Variants in TTC27 observed in about 807,000 individuals in gnomAD.
The protein encoded by TTC27 is tetratricopeptide repeat domain 27.
In TTC27, 79 loss-of-function variants were observed where a neutral mutation model predicts 115.9. The observed-to-expected ratio is 0.68, with a 90% CI of 0.57 to 0.82. TTC27 has a LOEUF of 0.82. TTC27 is among the 40% of genes least tolerant of loss of function. The pLI, the probability that TTC27 is intolerant of heterozygous loss-of-function variation, is 0.00. For synonymous variants in TTC27, 401 were observed against 356.0 expected, an observed-to-expected ratio of 1.13 and a Z score of -1.42; for missense variants, 1,054 against 993.1, an observed-to-expected ratio of 1.06 and a Z score of -0.82.
Position 32,666,169 on chromosome 2 carries a change from C to T in TTC27, c.806-466C>T, listed in dbSNP as rs115572135. Among the ~76,000 whole-genome samples, 466 of 152,222 alleles carry T rather than the reference C, an allele frequency of 3.1e-3. 2 individuals are homozygous for T. The highest frequency in any genetic ancestry group is 0.01 in the African/African-American group (436 of 41,550). ...AGAGACATAATGAAAAAATTTTGGT[C>T]TTACATGAAGTCAGATAGTGTAATA... On this transcript the variant is annotated intron_variant, in intron 6 of 19. Transcript: ENST00000317907.
At chr2:32,771,545 T>C (rs1436891904) in intron 13 of TTC27, among the ~76,000 whole-genome samples, 1 of 152,182 alleles carries the variant, frequency 6.6e-6, no homozygotes, top group East Asian at 1.9e-4. Context: ...AAAGAAAAAG[T>C]ATGTATAAAA....
At chr2:32,697,491 T>G (rs958243) in intron 9 of TTC27, among the ~76,000 whole-genome samples, 100,039 of 152,084 alleles carry the variant, frequency 0.66, 34,261 homozygotes, top group South Asian at 0.81. Context: ...GAAATGTGTT[T>G]ATAAGATATT....
chr2:32,785,335 A>AT (rs566128425), intron 15 of TTC27, among the ~76,000 whole-genome samples: 64 of 152,100 alleles, frequency 4.2e-4, no homozygotes, highest in Admixed American at 7.9e-4. Context: ...TATGATCAAA[A>AT]TTTTTTTTGA....
At position 32,711,963 on chromosome 2, in the gene TTC27, G is replaced by A; in HGVS notation, c.1233+9043G>A. 1.3e-5 allele frequency among the ~76,000 whole-genome samples: 2 copies of A among 151,998 alleles called. 1 individual carries two copies. Among genetic ancestry groups the A allele is most frequent in the South Asian group, 4.1e-4 (2 of 4,822 alleles). On this transcript the variant is annotated intron_variant, in intron 10 of 19. Coordinates refer to ENST00000317907, the MANE Select transcript of TTC27 (RefSeq NM_017735.5). ...CAAAAAGAAAAAAAAAAGACTTAAG[G>A]AAAATAAGCTAGAAAGGACCCCCTT... is the stretch of plus-strand genomic sequence containing the variant.
rs186293667 is a variant in TTC27 at position 32,732,127 on chromosome 2, G to A, written c.1234-1701G>A. 3.3e-5 allele frequency among the ~76,000 whole-genome samples: 5 copies of A among 152,246 alleles called. No homozygotes were observed. The East Asian group carries it at 5.8e-4, about 18-fold the overall frequency. The stretch of plus-strand genomic sequence containing the variant: ...AAGTAATTTGTTCTCCTTTTATGAA[G>A]TAACTCAGTGATCTCTTTATTTATG... On this transcript the variant is annotated intron_variant, in intron 10 of 19. Transcript: ENST00000317907.
chr2:32,795,531 C>CTTATTTAT (rs70938366), intron 16 of TTC27, among the ~76,000 whole-genome samples: 94 of 142,864 alleles, frequency 6.6e-4, no homozygotes, highest in East Asian at 2.3e-3. Flanking sequence ...AGCTTCTTTT[C>CTTATTTAT]TTATTTATTT....
intron 7 of TTC27, among the ~76,000 whole-genome samples, chr2:32,670,647 T>G (rs1012574478): frequency 6.6e-6 from 1 of 152,070 alleles, no homozygotes; most frequent in African/African-American, 2.4e-5. Context: ...AAATGGAATC[T>G]CGCTCTATTG....
intron 5 of TTC27, among the ~76,000 whole-genome samples, chr2:32,658,077 C>G (rs1434490572): frequency 6.6e-6 from 1 of 152,234 alleles, no homozygotes; most frequent in African/African-American, 2.4e-5. Flanking sequence ...GATCCACCAC[C>G]TTGGCCTCCC....
intron 13 of TTC27, among the ~76,000 whole-genome samples, chr2:32,771,026 A>G (rs898757717): frequency 2.0e-5 from 3 of 152,228 alleles, no homozygotes; most frequent in Middle Eastern, 3.2e-3. Flanking sequence ...CTGCCAAGAA[A>G]TGTGAGTACT....
At chr2:32,806,040 A>G (rs1671118904) in intron 16 of TTC27, among the ~76,000 whole-genome samples, 1 of 152,140 alleles carries the variant, frequency 6.6e-6, no homozygotes. Context: ...GTGACAACCC[A>G]TCCCTGTGGC....
In TTC27 at chr2:32,736,792, T is replaced by C; in HGVS notation, c.1428T>C (p.Tyr476=). ...TGTGGGAAGATGTTGTCATTTGTTATGAAAGAGCCGGGCAGCACGGAAAGG... is the reference window on the plus strand; with the variant it reads ...TGTGGGAAGATGTTGTCATTTGTTACGAAAGAGCCGGGCAGCACGGAAAGG... ...LEMWEDVVIC[Y]ERAGQHGKAE... is the part of the protein sequence containing the mutation. The change falls in exon 12 of 20, where the codon TAT becomes TAC. Residue 476 remains tyrosine (Y), a synonymous_variant. Transcript: ENST00000317907. 3 of 1,614,010 alleles carry C rather than the reference T, an allele frequency of 1.9e-6. No homozygotes were observed. The highest frequency in any genetic ancestry group is 2.5e-6 in the Non-Finnish European group (3 of 1,179,910).
In TTC27 at chr2:32,669,534, A is replaced by G. The variant is rs181232954; in HGVS notation, c.940-2738A>G. On this transcript the variant is annotated intron_variant, in intron 7 of 19. Transcript: ENST00000317907. Reference sequence around the variant, plus strand: ...TGTTTAATAACCATTTTTCAGGAAAAGGAAAGGAACACTACTATACCATTT... The same window carrying G: ...TGTTTAATAACCATTTTTCAGGAAAGGGAAAGGAACACTACTATACCATTT... 5.3e-5 allele frequency among the ~76,000 whole-genome samples: 8 copies of G among 152,316 alleles called. No homozygotes were observed. In the East Asian group the frequency reaches 1.4e-3, roughly 26 times the overall value.
Position 32,635,859 on chromosome 2 carries a change from A to T in TTC27, c.396+1854A>T, listed in dbSNP as rs369683907. Among the ~76,000 whole-genome samples the T allele has an allele frequency of 2.5e-3, 374 of 152,294 alleles. 1 individual carries two copies. Among genetic ancestry groups the T allele is most frequent in the African/African-American group, 8.6e-3 (357 of 41,576 alleles). On this transcript the variant is annotated intron_variant, in intron 3 of 19. Transcript: ENST00000317907. ...ATATCAGCTTAGTGAGTCACTATATATACTTCATTAGAGTAATTTTAATCC... is the reference window on the plus strand; with the variant it reads ...ATATCAGCTTAGTGAGTCACTATATTTACTTCATTAGAGTAATTTTAATCC...
chr2:32,820,617 G>A lies in TTC27; in HGVS notation c.2410-199G>A, dbSNP rs72862750. 4.2e-3 allele frequency among the ~76,000 whole-genome samples: 641 copies of A among 152,236 alleles called. 6 individuals are homozygous for A. The highest frequency in any genetic ancestry group is 0.014 in the African/African-American group (577 of 41,546). On this transcript the variant is annotated intron_variant, in intron 19 of 19. Transcript: ENST00000317907. ...AGCTCATTTGAATTTATAAGTTCAG[G>A]CATGTTGTTTTGATTCACCCTTTAA...
chr2:32,646,611 T>G (rs1664872083), intron 4 of TTC27, among the ~76,000 whole-genome samples: 1 of 142,972 alleles, frequency 7.0e-6, no homozygotes, highest in Non-Finnish European at 1.5e-5. Context: ...TCTCCCAGGC[T>G]GGAGTGCAGT....
At chr2:32,778,732 C>A (rs1670078987) in intron 14 of TTC27, among the ~76,000 whole-genome samples, 2 of 152,128 alleles carry the variant, frequency 1.3e-5, no homozygotes, top group Non-Finnish European at 2.9e-5. Context: ...TGTTATTTAT[C>A]CATTCATGAG....
intron 4 of TTC27, among the ~76,000 whole-genome samples, chr2:32,645,174 T>C (rs1664808499): frequency 6.6e-6 from 1 of 152,218 alleles, no homozygotes; most frequent in Non-Finnish European, 1.5e-5. Flanking sequence ...TGTGAAATTA[T>C]AGAAGAAGCA....
chr2:32,636,073 A>G (rs1664412664), intron 3 of TTC27, among the ~76,000 whole-genome samples: 1 of 152,202 alleles, frequency 6.6e-6, no homozygotes, highest in Non-Finnish European at 1.5e-5. Context: ...CTTAGGAAAC[A>G]TCTCATTCCC....
At chr2:32,655,582 C>T (rs866448101) in intron 5 of TTC27, among the ~76,000 whole-genome samples, 3 of 152,110 alleles carry the variant, frequency 2.0e-5, no homozygotes, top group Admixed American at 6.6e-5. Context: ...AATAATGTGA[C>T]GTTTTGTAGT....
Sources: gnomAD v4.1 joint callset for allele counts (sites outside exome capture counted in the v4.1 genomes callset) on GRCh38, gnomAD v4.1.1 for gene constraint, MANE v1.5 for transcripts, NCBI Gene and HGNC (gene_info 2026-07-23, HGNC 2026-07-21) for gene names.